Variants in METTL24 observed in about 807,000 individuals in gnomAD.
METTL24 encodes the protein probable methyltransferase-like protein 24.
In METTL24, 29 loss-of-function variants were observed where a neutral mutation model predicts 32.7. The observed-to-expected ratio is 0.89, with a 90% CI of 0.66 to 1.21. The LOEUF is 1.21. Ranked by LOEUF, METTL24 falls within the 50% of genes most tolerant of loss-of-function variation. The probability of loss-of-function intolerance (pLI) is 0.00; values close to 1 mark genes in which losing one functional copy is unlikely to be tolerated. For missense variants in METTL24, 439 were observed against 468.1 expected (o/e 0.94, Z 0.57); for synonymous variants, 163 against 179.5 (o/e 0.91, Z 0.73).
chr6:110,288,054 C>G (rs1405553845), intron 4 of METTL24, among the ~76,000 whole-genome samples: 1 of 152,202 alleles, frequency 6.6e-6, no homozygotes, highest in African/African-American at 2.4e-5. Context: ...AACAATGAAA[C>G]TATGACAGTG....
chr6:110,274,795 G>GTT (rs1771018453), intron 4 of METTL24, among the ~76,000 whole-genome samples: 1 of 104,332 alleles, frequency 9.6e-6, no homozygotes, highest in African/African-American at 3.8e-5. Flanking sequence ...TTTCCTTTTC[G>GTT]TTCTTTCTTT....
In METTL24 at chr6:110,302,580, T is replaced by C. The variant is rs183714566; in HGVS notation, c.558-3430A>G. On this transcript the variant is annotated intron_variant, in intron 3 of 4. Transcript: ENST00000338882. ...GTATATATACACACATACACACACA[T>C]ATGTGTATATATACACATATACACA... is the stretch of plus-strand genomic sequence containing the variant. Among the ~76,000 whole-genome samples the C allele has an allele frequency of 6.0e-4, 71 of 117,608 alleles. 8 individuals are homozygous for C. Among genetic ancestry groups the C allele is most frequent in the African/African-American group, 3.0e-3 (65 of 21,484 alleles). The allele number at this position is 117,608 out of a possible 152,430, so 77.2% of individuals were successfully genotyped here.
At chr6:110,357,744 A>C (rs1291322856) in intron 1 of METTL24, 2 of 210,556 alleles carry the variant, frequency 9.5e-6, no homozygotes, top group Non-Finnish European at 1.9e-5. Context: ...CTGAATAGTG[A>C]ATGAACTCCG....
intron 1 of METTL24, among the ~76,000 whole-genome samples, chr6:110,330,338 C>T (rs1772091566): frequency 6.6e-6 from 1 of 152,308 alleles, no homozygotes; most frequent in East Asian, 1.9e-4. Flanking sequence ...CTCTCTCTTC[C>T]CGCAGCTTGG....
At chr6:110,357,618 T>C (rs1772725309) in intron 1 of METTL24, 2 of 155,850 alleles carry the variant, frequency 1.3e-5, no homozygotes. Flanking sequence ...TCCCTGCCTA[T>C]CACGCAAACA....
At chr6:110,316,568 G>C (rs1246627683) in intron 2 of METTL24, among the ~76,000 whole-genome samples, 1 of 152,204 alleles carries the variant, frequency 6.6e-6, no homozygotes, top group Non-Finnish European at 1.5e-5. Flanking sequence ...TCATCCATTG[G>C]AAAACATTAA....
chr6:110,293,047 T>C (rs1409735962), intron 4 of METTL24, among the ~76,000 whole-genome samples: 6 of 152,034 alleles, frequency 3.9e-5, no homozygotes, highest in Admixed American at 1.3e-4. Context: ...CCTTTATTAC[T>C]CCTTTATCAG....
At chr6:110,249,054 T>A (rs747180239) in intron 4 of METTL24, among the ~76,000 whole-genome samples, 23 of 152,030 alleles carry the variant, frequency 1.5e-4, no homozygotes, top group Admixed American at 1.0e-3. Flanking sequence ...TGGTTTTCTG[T>A]GAGTTTGCTT....
intron 4 of METTL24, among the ~76,000 whole-genome samples, chr6:110,258,399 G>A (rs1778423981): frequency 6.6e-6 from 1 of 152,106 alleles, no homozygotes; most frequent in Admixed American, 6.6e-5. Context: ...GGCAAAAGAG[G>A]TATATATTCC....
chr6:110,343,224 G>C (rs146799064), intron 1 of METTL24, among the ~76,000 whole-genome samples: 420 of 152,316 alleles, frequency 2.8e-3, no homozygotes, highest in Middle Eastern at 0.01. Context: ...AAGGGAAAAA[G>C]GGGTTCTGCA....
chr6:110,314,286 C>A (rs1316610183), intron 3 of METTL24, among the ~76,000 whole-genome samples: 1 of 152,202 alleles, frequency 6.6e-6, no homozygotes, highest in African/African-American at 2.4e-5. Flanking sequence ...ATTGCCCTTA[C>A]AAAGAGTCTA....
intron 4 of METTL24, among the ~76,000 whole-genome samples, chr6:110,276,109 A>G (rs758309689): frequency 1.3e-5 from 2 of 152,170 alleles, no homozygotes; most frequent in Non-Finnish European, 2.9e-5. Context: ...TTAGCCAAGC[A>G]TCATGAACAA....
rs1214170391 is a variant in METTL24, at chr6:110,287,351, T to G, written c.786+11571A>C. Among the ~76,000 whole-genome samples, 10 of 152,192 alleles carry G rather than the reference T, an allele frequency of 6.6e-5. No homozygotes were observed. In the South Asian group the frequency reaches 2.1e-3, roughly 32 times the overall value. On this transcript the variant is annotated intron_variant, in intron 4 of 4. Coordinates refer to ENST00000338882, the MANE Select transcript of METTL24 (RefSeq NM_001123364.3). ...CGACAGATGTCTCTGCATTTCAAAT[T>G]GCAATTCAGCACCATGAATGACTCA...
chr6:110,286,421 A>G (rs61342869), intron 4 of METTL24, among the ~76,000 whole-genome samples: 7,824 of 152,192 alleles, frequency 0.051, 553 homozygotes, highest in African/African-American at 0.16. Context: ...GTCCTGCCTG[A>G]GTGACATTTT....
chr6:110,274,187 G>T (rs1184621431), intron 4 of METTL24, among the ~76,000 whole-genome samples: 1 of 152,092 alleles, frequency 6.6e-6, no homozygotes, highest in African/African-American at 2.4e-5. Context: ...CTGCCTTCCG[G>T]GTTCAAGCGA....
At chr6:110,309,866 A>AAAAAC (rs543763659) in intron 3 of METTL24, among the ~76,000 whole-genome samples, 113 of 152,140 alleles carry the variant, frequency 7.4e-4, no homozygotes, top group East Asian at 3.1e-3. Flanking sequence ...TAGGAGCAAA[A>AAAAAC]AAAACAAAAC....
intron 4 of METTL24, among the ~76,000 whole-genome samples, chr6:110,294,171 TGAGA>T (rs756623557): frequency 1.3e-5 from 2 of 151,494 alleles, no homozygotes; most frequent in Admixed American, 6.6e-5. Context: ...TGAGAGAGAG[TGAGA>T]GAGAGAAAGC....
intron 1 of METTL24, among the ~76,000 whole-genome samples, chr6:110,343,865 G>A (rs1772412322): frequency 6.6e-6 from 1 of 152,228 alleles, no homozygotes; most frequent in South Asian, 2.1e-4. Flanking sequence ...GGGCAGTGCA[G>A]AGCGAAGAGG....
At chr6:110,339,052 G>A (rs1439009950) in intron 1 of METTL24, among the ~76,000 whole-genome samples, 1 of 152,170 alleles carries the variant, frequency 6.6e-6, no homozygotes, top group East Asian at 1.9e-4. Context: ...GTGATGTTGT[G>A]CAGATTCTCT....
Sources: gnomAD v4.1 joint callset for allele counts (sites outside exome capture counted in the v4.1 genomes callset) on GRCh38, gnomAD v4.1.1 for gene constraint, MANE v1.5 for transcripts, NCBI Gene and HGNC (gene_info 2026-07-23, HGNC 2026-07-21) for gene names.